The following NALF1 variants were observed in gnomAD, a reference collection of about 807,000 sequenced individuals.
The protein encoded by NALF1 is NALCN channel auxiliary factor 1.
A neutral mutation model predicts 48.4 loss-of-function variants in NALF1; 3 were observed. That is an observed-to-expected ratio of 0.06 (90% CI 0.03 to 0.16). NALF1 has a LOEUF of 0.16. Among genes scored for constraint, NALF1 ranks in the 10% least tolerant of loss-of-function variants. NALF1 has a pLI of 1.00. For synonymous variants in NALF1, 262 were observed against 245.7 expected, an observed-to-expected ratio of 1.07 and a Z score of -0.62; for missense variants, 526 against 571.5, an observed-to-expected ratio of 0.92 and a Z score of 0.81.
chr13:107,560,870 C>T (rs1594130010), intron 1 of NALF1, among the ~76,000 whole-genome samples: 2 of 152,224 alleles, frequency 1.3e-5, no homozygotes, highest in Admixed American at 6.5e-5. Context: ...CTCTTCACCA[C>T]GGTTGTGAAG....
At chr13:107,455,366 A>G (rs1005245799) in intron 1 of NALF1, among the ~76,000 whole-genome samples, 1 of 147,358 alleles carries the variant, frequency 6.8e-6, no homozygotes, top group African/African-American at 2.5e-5. Context: ...TTTGCCTTTT[A>G]AAAAAAAATA....
chr13:107,569,369 C>T (rs2476501), intron 1 of NALF1, among the ~76,000 whole-genome samples: 1 of 151,802 alleles, frequency 6.6e-6, no homozygotes, highest in South Asian at 2.1e-4. Flanking sequence ...CTACTCGGGA[C>T]GCTGAGGCAG....
intron 1 of NALF1, among the ~76,000 whole-genome samples, chr13:107,842,973 C>G (rs1247585378): frequency 6.6e-6 from 1 of 152,048 alleles, no homozygotes. Flanking sequence ...CCAGATGTTC[C>G]CCAAGCCATA....
At chr13:107,600,226 T>C (rs1878883732) in intron 1 of NALF1, among the ~76,000 whole-genome samples, 1 of 152,204 alleles carries the variant, frequency 6.6e-6, no homozygotes, top group Non-Finnish European at 1.5e-5. Context: ...CAATAAAATT[T>C]CATTACGTTT....
intron 1 of NALF1, among the ~76,000 whole-genome samples, chr13:107,810,432 T>C (rs1466974243): frequency 6.6e-6 from 1 of 152,126 alleles, no homozygotes; most frequent in Non-Finnish European, 1.5e-5. Context: ...TCTTGCTCTC[T>C]AGGTTCTTTC....
At chr13:107,736,307 T>TGGC (rs1207628338) in intron 1 of NALF1, among the ~76,000 whole-genome samples, 29 of 152,120 alleles carry the variant, frequency 1.9e-4, no homozygotes, top group Admixed American at 1.9e-3. Context: ...CAGAGTGCAG[T>TGGC]GGCGGCGGCG....
At chr13:107,352,084 A>C (rs1317334479) in intron 1 of NALF1, among the ~76,000 whole-genome samples, 1 of 152,224 alleles carries the variant, frequency 6.6e-6, no homozygotes, top group Non-Finnish European at 1.5e-5. Flanking sequence ...AAGGCCTTAC[A>C]TTTACATGCA....
intron 1 of NALF1, among the ~76,000 whole-genome samples, chr13:107,799,801 G>A (rs1363650851): frequency 1.3e-5 from 2 of 152,116 alleles, no homozygotes; most frequent in Admixed American, 6.6e-5. Flanking sequence ...TATTTTTCAG[G>A]TTCCCTTTAC....
At chr13:107,401,831 G>C (rs1402655055) in intron 1 of NALF1, among the ~76,000 whole-genome samples, 1 of 152,142 alleles carries the variant, frequency 6.6e-6, no homozygotes, top group African/African-American at 2.4e-5. Flanking sequence ...ATGTTGGATG[G>C]TTTGCAGTTA....
At chr13:107,799,769 A>T (rs1465733929) in intron 1 of NALF1, among the ~76,000 whole-genome samples, 4 of 152,208 alleles carry the variant, frequency 2.6e-5, no homozygotes, top group Non-Finnish European at 5.9e-5. Context: ...TGAAAGCAAA[A>T]GAGCAACCTC....
intron 1 of NALF1, among the ~76,000 whole-genome samples, chr13:107,691,345 A>G (rs912470716): frequency 3.9e-5 from 6 of 152,174 alleles, no homozygotes; most frequent in African/African-American, 1.4e-4. Context: ...TCTGTTATTC[A>G]AGCTACTCAG....
At chr13:107,566,891 C>A (rs1322228906) in intron 1 of NALF1, among the ~76,000 whole-genome samples, 1 of 152,186 alleles carries the variant, frequency 6.6e-6, no homozygotes, top group Non-Finnish European at 1.5e-5. Context: ...AGCTGCCCAA[C>A]ACGGATATAT....
At chr13:107,844,074 A>G (rs992789262) in intron 1 of NALF1, among the ~76,000 whole-genome samples, 7 of 152,010 alleles carry the variant, frequency 4.6e-5, no homozygotes, top group Admixed American at 3.3e-4. Context: ...ATTAATACTC[A>G]CTCTTCTCTT....
intron 1 of NALF1, among the ~76,000 whole-genome samples, chr13:107,595,308 A>T (rs1878712149): frequency 6.6e-6 from 1 of 152,166 alleles, no homozygotes. Context: ...TAAGAAACAC[A>T]ATTCTTTTAC....
intron 1 of NALF1, among the ~76,000 whole-genome samples, chr13:107,347,046 T>G (rs1210570694): frequency 1.3e-5 from 2 of 152,204 alleles, no homozygotes; most frequent in Non-Finnish European, 2.9e-5. Context: ...TCCACTTTTT[T>G]AAATTAGAAA....
intron 1 of NALF1, among the ~76,000 whole-genome samples, chr13:107,383,824 G>A (rs1272791298): frequency 1.3e-5 from 2 of 152,122 alleles, no homozygotes; most frequent in African/African-American, 4.8e-5. Flanking sequence ...AGTAACATAG[G>A]AAGTTAAGAC....
At chr13:107,491,714 C>T (rs1875119097) in intron 1 of NALF1, among the ~76,000 whole-genome samples, 1 of 152,170 alleles carries the variant, frequency 6.6e-6, no homozygotes, top group African/African-American at 2.4e-5. Flanking sequence ...ATTCTCACTA[C>T]CTTTGCCCTC....
intron 1 of NALF1, among the ~76,000 whole-genome samples, chr13:107,291,866 A>C (rs1881627600): frequency 6.6e-6 from 1 of 152,216 alleles, no homozygotes; most frequent in Non-Finnish European, 1.5e-5. Flanking sequence ...TTAACAGTAC[A>C]TATTCCAAAC....
chr13:107,164,149 A>G lies in NALF1; in HGVS notation c.*6348T>C, dbSNP rs370336453. On this transcript the variant is annotated 3_prime_UTR_variant, in exon 3 of 3. Coordinates refer to ENST00000375915, the MANE Select transcript of NALF1 (RefSeq NM_001080396.3). ...GAAATAGTCACTGAAGAAAGTCTGT[A>G]TTCATAGATCAATGCTCATTACCTG... The G allele has an allele frequency of 2.4e-4, 36 of 152,206 alleles. No individual in the cohort carries two copies. Among genetic ancestry groups the G allele is most frequent in the African/African-American group, 8.4e-4 (35 of 41,462 alleles). 9.4% of individuals were successfully genotyped at this position (152,206 alleles called of 1,614,324 possible).
Sources: allele counts gnomAD v4.1 joint callset (sites outside exome capture counted in the v4.1 genomes callset), GRCh38; gene constraint gnomAD v4.1.1; transcripts MANE v1.5; gene names NCBI Gene and HGNC (gene_info 2026-07-23, HGNC 2026-07-21).